The following MPP3 variants were observed in gnomAD, a reference collection of about 807,000 sequenced individuals.
The protein encoded by MPP3 is MAGUK p55 subfamily member 3.
In MPP3, 48 loss-of-function variants were observed where a neutral mutation model predicts 80.7. That is an observed-to-expected ratio of 0.59 (90% CI 0.47 to 0.76). MPP3 has a LOEUF of 0.76. MPP3 is among the 30% of genes least tolerant of loss of function. The pLI, the probability that MPP3 is intolerant of heterozygous loss-of-function variation, is 0.00. For missense variants in MPP3, 620 were observed against 763.0 expected (o/e 0.81, Z 2.21); for synonymous variants, 311 against 297.6 (o/e 1.04, Z -0.46).
chr17:43,801,790 C>G lies in MPP3; in HGVS notation c.1669G>C (p.Asp557His). ...HLVDAVLVKE[D>H]LQGAYSQLKV... The stretch of plus-strand genomic sequence containing the variant: ...AGCTGGCTGTAGGCACCCTGGAGAT[C>G]CTCCTTCACCAGCACGGCGTCTACC... Residue 557 changes from aspartate (D) to histidine (H), a missense_variant, in exon 20 of 20, where the codon GAT becomes CAT. Asp to His is a moderately conservative substitution (Grantham distance 81). Coordinates refer to ENST00000398389, the MANE Select transcript of MPP3 (RefSeq NM_001932.6). 6.2e-7 allele frequency: 1 copy of G among 1,614,164 alleles called. No individual in the cohort carries two copies. The highest frequency in any genetic ancestry group is 8.5e-7 in the Non-Finnish European group (1 of 1,180,022).
rs763901170 is a variant in MPP3 at position 43,820,975 on chromosome 17, G to C, written c.768C>G (p.Arg256=). ...GGCTCACCACCTCCAGGACCTGCCTGCGCTGGAAGGGCAGGCCCGCCTCCT... is the reference window on the plus strand; with the variant it reads ...GGCTCACCACCTCCAGGACCTGCCTCCGCTGGAAGGGCAGGCCCGCCTCCT... ...PCQEAGLPFQ[R]RQVLEVVSQD... is the part of the protein sequence containing the mutation. The change falls in exon 11 of 20, where the codon CGC becomes CGG. Residue 256 remains arginine, a synonymous_variant. Coordinates refer to ENST00000398389, the MANE Select transcript of MPP3 (RefSeq NM_001932.6). 1 of 1,613,170 alleles carries C rather than the reference G, an allele frequency of 6.2e-7. No homozygotes were observed. Among genetic ancestry groups the C allele is most frequent in the African/African-American group, 1.3e-5 (1 of 74,948 alleles).
intron 8 of MPP3, 150 bp downstream of exon 8, chr17:43,827,601 A>C (rs943731803): frequency 2.9e-5 from 20 of 689,154 alleles, no homozygotes; most frequent in South Asian, 9.0e-5. Context: ...GAAGGAGATG[A>C]GAATTCCAGC....
At chr17:43,816,737 G>T (rs2045158594) in intron 12 of MPP3, 40 bp from the exon 13 acceptor site, 1 of 1,560,788 alleles carries the variant, frequency 6.4e-7, no homozygotes, top group African/African-American at 1.4e-5. Flanking sequence ...AGCATTAGTG[G>T]AGGGAAGCGG....
At position 43,801,105 on chromosome 17, in the gene MPP3, G is replaced by A. The variant is rs1169489995; in HGVS notation, c.*596C>T. Reference sequence around the variant, plus strand: ...GAAGGCACCACTGCAGTACAGGATAGTACAGTAATTCATGTTGATGGTGAA... The same window carrying A: ...GAAGGCACCACTGCAGTACAGGATAATACAGTAATTCATGTTGATGGTGAA... On this transcript the variant is annotated 3_prime_UTR_variant, in exon 20 of 20. Coordinates refer to ENST00000398389, the MANE Select transcript of MPP3 (RefSeq NM_001932.6). 6.5e-6 allele frequency: 1 copy of A among 153,954 alleles called. No homozygotes were observed. The allele number at this position is 153,954 out of a possible 1,614,324, so 9.5% of individuals were successfully genotyped here. A position where few individuals can be genotyped will look rare whatever the true frequency, so the allele number is the denominator to read the frequency against.
At chr17:43,815,689 C>A in intron 14 of MPP3, 1 of 457,660 alleles carries the variant, frequency 2.2e-6, no homozygotes, top group Non-Finnish European at 4.0e-6. Context: ...TGAAAAGGGG[C>A]TCTGGAGAGC....
chr17:43,818,053 C>G lies in MPP3; in HGVS notation c.939G>C (p.Lys313Asn). ...CCCTGACAATCTACTCACAGGGGGG[C>G]TTCCTGAGGCTCTGGGGGCTCGGCA... ...GTLPSPQSLR[K>N]PPYDQPCDKE... Residue 313 changes from lysine (K) to asparagine (N), a missense_variant, in exon 12 of 20, where the codon AAG becomes AAC. By Grantham distance (94) the Lys-to-Asn change is moderately conservative. Coordinates refer to ENST00000398389, the MANE Select transcript of MPP3 (RefSeq NM_001932.6). The G allele has an allele frequency of 2.5e-6, 4 of 1,582,358 alleles. No homozygotes were observed. The South Asian group carries it at 3.5e-5, about 14-fold the overall frequency.
intron 1 of MPP3, 117 bp from the exon 2 acceptor site, chr17:43,832,936 C>A: frequency 6.6e-6 from 1 of 151,318 alleles, no homozygotes; most frequent in South Asian, 2.0e-4. Flanking sequence ...GGGGCGGGCG[C>A]GGGAAGAGGG....
At chr17:43,815,120 C>T (rs767243928) in intron 14 of MPP3, among the ~76,000 whole-genome samples, 1 of 152,168 alleles carries the variant, frequency 6.6e-6, no homozygotes, top group Non-Finnish European at 1.5e-5. Context: ...ATCACTTGAT[C>T]TCAGGAGTTC....
chr17:43,823,067 A>G (rs1200787953), intron 10 of MPP3, among the ~76,000 whole-genome samples: 1 of 152,288 alleles, frequency 6.6e-6, no homozygotes, highest in South Asian at 2.1e-4. Context: ...ACCCTTAGTC[A>G]GATTGGCTGT....
At chr17:43,812,945 G>A (rs967601766) in intron 16 of MPP3, among the ~76,000 whole-genome samples, 3 of 152,192 alleles carry the variant, frequency 2.0e-5, no homozygotes, top group African/African-American at 7.2e-5. Flanking sequence ...AGACAGCTCT[G>A]ACAACCCACA....
chr17:43,831,497 G>A (rs1301409118), intron 4 of MPP3, 62 bp downstream of exon 4: 25 of 1,394,978 alleles, frequency 1.8e-5, no homozygotes, highest in African/African-American at 5.7e-5. Flanking sequence ...GACCTCAGAC[G>A]GCCACAGACA....
At chr17:43,812,387 C>T (rs1010434123) in intron 16 of MPP3, among the ~76,000 whole-genome samples, 1 of 152,154 alleles carries the variant, frequency 6.6e-6, no homozygotes, top group Non-Finnish European at 1.5e-5. Context: ...CATCCCCCTG[C>T]TTAAAAACTT....
At chr17:43,814,591 T>C (rs981822634) in intron 14 of MPP3, 3 of 435,924 alleles carry the variant, frequency 6.9e-6, no homozygotes, top group African/African-American at 4.0e-5. Context: ...TTACTTGGCA[T>C]GTGACTGACC....
chr17:43,831,391 G>A, intron 4 of MPP3, 70 bp from the exon 5 acceptor site: 1 of 1,534,230 alleles, frequency 6.5e-7, no homozygotes, highest in Non-Finnish European at 9.0e-7. Flanking sequence ...GGGGACATTT[G>A]GGGCAGCAGA....
intron 16 of MPP3, among the ~76,000 whole-genome samples, chr17:43,812,879 C>T (rs1346134168): frequency 6.6e-6 from 1 of 152,174 alleles, no homozygotes; most frequent in Non-Finnish European, 1.5e-5. Flanking sequence ...GCCAGGATGG[C>T]CTCCCCAGGG....
intron 6 of MPP3, 44 bp from the exon 7 acceptor site, chr17:43,829,835 C>A: frequency 6.2e-7 from 1 of 1,611,754 alleles, no homozygotes; most frequent in Non-Finnish European, 8.5e-7. Context: ...CCGCCGCTCA[C>A]AGGGTCAGCA....
At chr17:43,807,012 C>T (rs536408991) in intron 19 of MPP3, among the ~76,000 whole-genome samples, 1 of 152,038 alleles carries the variant, frequency 6.6e-6, no homozygotes, top group South Asian at 2.1e-4. Flanking sequence ...TGCTCTGTCA[C>T]CCAGGCTAGA....
intron 18 of MPP3, 131 bp from the exon 19 acceptor site, chr17:43,809,209 C>A: frequency 1.0e-6 from 1 of 960,496 alleles, no homozygotes; most frequent in Non-Finnish European, 1.5e-6. Context: ...ACATGGGTCC[C>A]ATGACAATGG....
intron 3 of MPP3, 30 bp downstream of exon 3, chr17:43,831,852 T>C (rs779753573): frequency 3.1e-6 from 5 of 1,589,938 alleles, no homozygotes; most frequent in Non-Finnish European, 4.3e-6. Flanking sequence ...TTCAGGACTG[T>C]GGCAGGTCCA....
Sources: allele counts gnomAD v4.1 joint callset (sites outside exome capture counted in the v4.1 genomes callset), GRCh38; gene constraint gnomAD v4.1.1; transcripts MANE v1.5; gene names NCBI Gene and HGNC (gene_info 2026-07-23, HGNC 2026-07-21).